Variants in POP4 observed in about 807,000 individuals in gnomAD.
POP4 encodes ribonuclease P protein subunit p29.
In POP4, 31 loss-of-function variants were observed where a neutral mutation model predicts 29.9. That is an observed-to-expected ratio of 1.04 (90% CI 0.78 to 1.40). The LOEUF (loss-of-function observed/expected upper bound fraction) is 1.40, where lower values mean the gene tolerates loss of function less well. Ranked by LOEUF, POP4 falls within the 40% of genes most tolerant of loss-of-function variation. The pLI, the probability that POP4 is intolerant of heterozygous loss-of-function variation, is 0.00. For missense variants in POP4, 286 were observed against 282.7 expected, an observed-to-expected ratio of 1.01 and a Z score of -0.08; for synonymous variants, 110 against 108.2, an observed-to-expected ratio of 1.02 and a Z score of -0.10.
chr19:29,606,293 C>A lies in POP4; in HGVS notation c.-26C>A. 6.2e-7 allele frequency: 1 copy of A among 1,600,600 alleles called. No individual in the cohort carries two copies. The highest frequency in any genetic ancestry group is 1.1e-5 in the South Asian group (1 of 89,198). ...GCGACAGCAGCTGCCAGTGCGTCAT[C>A]AGAGAGCGCCGGAAGCGGTCCGAGA... On this transcript the variant is annotated 5_prime_UTR_variant, in exon 1 of 7. Transcript: ENST00000585603.
rs1354416815 is a variant in POP4 at position 29,615,253 on chromosome 19, A to G, written c.536A>G (p.Lys179Arg). The G allele has an allele frequency of 4.5e-6, 7 of 1,566,248 alleles. No homozygotes were observed. Among genetic ancestry groups the G allele is most frequent in the African/African-American group, 1.4e-5 (1 of 71,330 alleles). ...TKEDRLKVIP[K>R]LNCVFTVETD... ...TTTTTTTTTTTTTCAGTTATCCCCA[A>G]GCTAAACTGCGTGTTCACTGTGGAA... The change falls in exon 7 of 7, where the codon AAG (lysine) becomes AGG (arginine). Residue 179 changes from lysine to arginine, a missense_variant. Lys to Arg is a conservative substitution (Grantham distance 26, BLOSUM62 2). Transcript: ENST00000585603.
In POP4 at chr19:29,614,392, C is replaced by T. The variant is rs986527201; in HGVS notation, c.526+420C>T. Among the ~76,000 whole-genome samples the T allele has an allele frequency of 3.3e-5, 5 of 152,212 alleles. No homozygotes were observed. In the East Asian group the frequency reaches 5.8e-4, roughly 18 times the overall value. The stretch of plus-strand genomic sequence containing the variant: ...TTGGCGATAACACTTGGGTTCCATC[C>T]GTGGCCAGCATTGCTCTAGCAGATA... On this transcript the variant is annotated intron_variant, in intron 6 of 6. Transcript: ENST00000585603.
At chr19:29,614,973 T>C (rs963753956) in intron 6 of POP4, among the ~76,000 whole-genome samples, 7 of 152,116 alleles carry the variant, frequency 4.6e-5, no homozygotes, top group Non-Finnish European at 1.0e-4. Context: ...TTCTGGCAGG[T>C]GTTCTGGGAC....
At chr19:29,610,376 C>T (rs770512563) in intron 2 of POP4, 33 bp from the exon 3 acceptor site, 48 of 1,520,120 alleles carry the variant, frequency 3.2e-5, no homozygotes, top group Non-Finnish European at 4.1e-5. Flanking sequence ...CAGACCGGAG[C>T]AGTGAGCGCC....
At chr19:29,611,984 G>A in intron 4 of POP4, 45 bp downstream of exon 4, 1 of 1,600,134 alleles carries the variant, frequency 6.2e-7, no homozygotes. Context: ...TGGATCTCAA[G>A]CCTCTGATCA....
At chr19:29,610,735 A>AG (rs984573675) in intron 3 of POP4, 103 bp downstream of exon 3, 47 of 1,166,688 alleles carry the variant, frequency 4.0e-5, no homozygotes, top group Non-Finnish European at 5.6e-5. Context: ...ACCTAAGCTA[A>AG]GGGGGCCTCT....
intron 1 of POP4, among the ~76,000 whole-genome samples, chr19:29,607,334 G>A (rs554910293): frequency 6.6e-6 from 1 of 151,662 alleles, no homozygotes; most frequent in East Asian, 1.9e-4. Flanking sequence ...TGTAGTCTCA[G>A]CTACTCAGGA....
At chr19:29,611,993 C>A in intron 4 of POP4, 54 bp downstream of exon 4, 1 of 1,593,746 alleles carries the variant, frequency 6.3e-7, no homozygotes, top group Non-Finnish European at 8.6e-7. Flanking sequence ...AGCCTCTGAT[C>A]ATTGTAAATG....
intron 3 of POP4, chr19:29,611,026 C>T (rs749627267): frequency 1.4e-5 from 3 of 213,604 alleles, no homozygotes; most frequent in Non-Finnish European, 2.9e-5. Flanking sequence ...GTTGCCCACA[C>T]GTTTCAGAAG....
rs564863788 is a variant in POP4, at chr19:29,608,516, C to T, written c.8-141C>T. 3.0e-3 allele frequency: 2,245 copies of T among 741,804 alleles called. 7 individuals carry two copies. Among genetic ancestry groups the T allele is most frequent in the Non-Finnish European group, 4.4e-3 (1,955 of 447,810 alleles). 46.0% of individuals were successfully genotyped at this position (741,804 alleles called of 1,614,324 possible). On this transcript the variant is annotated intron_variant, in intron 1 of 6. Transcript: ENST00000585603. Reference sequence around the variant, plus strand: ...TCCTGACCTTGGGTCAGGATCCGCCCGCCTTGGCCTCCCAAAGTGCTAGGA... The same window carrying T: ...TCCTGACCTTGGGTCAGGATCCGCCTGCCTTGGCCTCCCAAAGTGCTAGGA...
In POP4 at chr19:29,611,851, CTT is replaced by C; in HGVS notation, c.285-9_285-8del. 6.2e-7 allele frequency: 1 copy of C among 1,612,760 alleles called. No homozygotes were observed. Among genetic ancestry groups the C allele is most frequent in the Non-Finnish European group, 8.5e-7 (1 of 1,178,780 alleles). On this transcript the variant is annotated splice_polypyrimidine_tract_variant and intron_variant, in intron 3 of 6. Coordinates refer to ENST00000585603, the MANE Select transcript of POP4 (RefSeq NM_006627.3). ...TGTCTAACTTTTTCCCTGTTTCTGA[CTT>C]TGCTGCAGATACAGCCTTTTCCTCC...
rs560619277 is a variant in POP4, at chr19:29,606,322, A to G, written c.4A>G (p.Lys2Glu). ...GAGCGCCGGAAGCGGTCCGAGAATG[A>G]AGAGTAAGCGGGGCCGCGAAGTTGG... The part of the protein sequence containing the change: M[K>E]SVIYHALSQK... Residue 2 changes from lysine (K) to glutamate (E), a missense_variant, in exon 1 of 7, where the codon AAG (lysine) becomes GAG (glutamate). Transcript: ENST00000585603. 1.2e-6 allele frequency: 2 copies of G among 1,606,400 alleles called. No individual in the cohort carries two copies. Among genetic ancestry groups the G allele is most frequent in the South Asian group, 2.2e-5 (2 of 90,116 alleles).
At chr19:29,606,752 A>G (rs374522764) in intron 1 of POP4, among the ~76,000 whole-genome samples, 2 of 152,094 alleles carry the variant, frequency 1.3e-5, no homozygotes, top group Non-Finnish European at 2.9e-5. Flanking sequence ...GGTAGAAGAC[A>G]TGTGCCAAGG....
intron 2 of POP4, 121 bp from the exon 3 acceptor site, chr19:29,610,288 G>T (rs1304908920): frequency 1.6e-5 from 14 of 880,054 alleles, no homozygotes; most frequent in Non-Finnish European, 2.4e-5. Flanking sequence ...AGCCTCAGTA[G>T]GTAAAGGGAT....
rs1470109988 is a variant in POP4 at position 29,615,414 on chromosome 19, G to A, written c.*34G>A. On this transcript the variant is annotated 3_prime_UTR_variant, in exon 7 of 7. Transcript: ENST00000585603. ...CCGTCTAAGGCAGTTGTTTATGACA[G>A]CTGAAAACTGGACACTCCCTAAATG... 2.5e-6 allele frequency: 4 copies of A among 1,601,498 alleles called. No individual in the cohort carries two copies. The highest frequency in any genetic ancestry group is 3.4e-6 in the Non-Finnish European group (4 of 1,172,292).
At position 29,612,121 on chromosome 19, in the gene POP4, C is replaced by G; in HGVS notation, c.367C>G (p.Pro123Ala). Residue 123 changes from proline to alanine, a missense_variant, in exon 5 of 7, where the codon CCA becomes GCA. Physicochemically the swap from Pro to Ala is conservative, Grantham distance 27 (BLOSUM62 -1). Transcript: ENST00000585603. ...GGGCTTCTGTTTACCCTGCAGGCAGCCACAGATGATTCAGGCCAAGCTCTT... is the reference window on the plus strand; with the variant it reads ...GGGCTTCTGTTTACCCTGCAGGCAGGCACAGATGATTCAGGCCAAGCTCTT... ...LCSGLKPDTQ[P>A]QMIQAKLLKA... The G allele has an allele frequency of 1.2e-6, 2 of 1,608,260 alleles. No individual in the cohort carries two copies. Among genetic ancestry groups the G allele is most frequent in the Non-Finnish European group, 8.5e-7 (1 of 1,178,398 alleles).
At chr19:29,606,366 A>G (rs1363766591) in intron 1 of POP4, 41 bp downstream of exon 1, 2 of 1,590,538 alleles carry the variant, frequency 1.3e-6, no homozygotes, top group Non-Finnish European at 1.7e-6. Flanking sequence ...GGGGACGTTA[A>G]GGGTCGGGGT....
chr19:29,615,239 T>TAA lies in POP4; in HGVS notation c.527-5_527-4insAA. On this transcript the variant is annotated splice_polypyrimidine_tract_variant and splice_region_variant and intron_variant, in intron 6 of 6. Transcript: ENST00000585603. ...TTCTCCTGCCTTTTTTTTTTTTTTT[T>TAA]TCAGTTATCCCCAAGCTAAACTGCG... The TAA allele has an allele frequency of 5.9e-6, 9 of 1,526,016 alleles. No homozygotes were observed. The highest frequency in any genetic ancestry group is 2.3e-5 in the East Asian group (1 of 43,714). 94.5% of individuals were successfully genotyped at this position (1,526,016 alleles called of 1,614,324 possible). A position where few individuals can be genotyped will look rare whatever the true frequency, so the allele number is the denominator to read the frequency against.
chr19:29,614,467 G>A (rs886402777), intron 6 of POP4, among the ~76,000 whole-genome samples: 1 of 151,836 alleles, frequency 6.6e-6, no homozygotes, highest in Non-Finnish European at 1.5e-5. Flanking sequence ...CAAATCCAGA[G>A]ATATCAAACC....
Sources: gnomAD v4.1 joint callset for allele counts (sites outside exome capture counted in the v4.1 genomes callset) on GRCh38, gnomAD v4.1.1 for gene constraint, MANE v1.5 for transcripts, NCBI Gene and HGNC (gene_info 2026-07-23, HGNC 2026-07-21) for gene names.